The following TRAP1 variants were observed in gnomAD, a reference collection of about 807,000 sequenced individuals.
The protein encoded by TRAP1 is heat shock protein 75 kDa, mitochondrial.
In TRAP1, 102 loss-of-function variants were observed where a neutral mutation model predicts 89.1. The ratio of observed to expected loss-of-function variants is 1.15; its 90% CI spans 0.98 to 1.35. TRAP1 has a LOEUF of 1.35. Among genes scored for constraint, TRAP1 ranks in the 40% most tolerant of loss-of-function variants. TRAP1 has a pLI of 0.00. For synonymous variants in TRAP1, 508 were observed against 388.0 expected (o/e 1.31, Z -3.64); for missense variants, 1,256 against 945.3 (o/e 1.33, Z -4.31).
intron 6 of TRAP1, among the ~76,000 whole-genome samples, chr16:3,677,097 C>A (rs1399528381): frequency 6.6e-6 from 1 of 151,604 alleles, no homozygotes; most frequent in Non-Finnish European, 1.5e-5. Flanking sequence ...GGCTCCTCAC[C>A]CTATAGAGGC....
At chr16:3,662,596 C>T (rs1316237101) in intron 15 of TRAP1, 5 of 629,008 alleles carry the variant, frequency 7.9e-6, no homozygotes, top group East Asian at 3.2e-5. Flanking sequence ...TGTTTGGAAC[C>T]CCCACGTCCT....
chr16:3,662,649 T>A (rs1358717444), intron 15 of TRAP1: 1 of 680,356 alleles, frequency 1.5e-6, no homozygotes, highest in African/African-American at 1.8e-5. Context: ...TTTTCAGTTC[T>A]CAGTTCACAC....
chr16:3,662,634 C>T (rs1419576081), intron 15 of TRAP1: 1 of 670,626 alleles, frequency 1.5e-6, no homozygotes, highest in South Asian at 1.5e-5. Context: ...ACTCAGGATG[C>T]TGGTTTTTCA....
At chr16:3,677,467 A>G (rs1301539157) in intron 6 of TRAP1, 31 bp downstream of exon 6, 4 of 1,614,024 alleles carry the variant, frequency 2.5e-6, no homozygotes, top group Non-Finnish European at 3.4e-6. Context: ...CTCAGCTTTG[A>G]GCTGCCTGTC....
chr16:3,681,270 C>T (rs1345746052), intron 4 of TRAP1, among the ~76,000 whole-genome samples: 1 of 152,192 alleles, frequency 6.6e-6, no homozygotes, highest in Non-Finnish European at 1.5e-5. Context: ...TCCAGGACAG[C>T]CTGCAGGAGC....
chr16:3,659,032 A>C (rs1398451237), intron 16 of TRAP1, 167 bp from the exon 17 acceptor site: 2 of 666,212 alleles, frequency 3.0e-6, no homozygotes, highest in Non-Finnish European at 5.0e-6. Context: ...TTATATACCC[A>C]GAAAACCCAA....
chr16:3,704,058 T>C (rs887710349), intron 1 of TRAP1, among the ~76,000 whole-genome samples: 3 of 149,132 alleles, frequency 2.0e-5, no homozygotes, highest in Admixed American at 6.7e-5. Flanking sequence ...AAAAGTTACA[T>C]TACAGGCCAG....
chr16:3,699,714 C>A (rs1055384461), intron 1 of TRAP1, among the ~76,000 whole-genome samples: 1 of 151,658 alleles, frequency 6.6e-6, no homozygotes, highest in Non-Finnish European at 1.5e-5. Context: ...GTCACCCAGG[C>A]TGGAGTGCAG....
At chr16:3,711,165 C>G (rs1432433976) in intron 1 of TRAP1, among the ~76,000 whole-genome samples, 4 of 152,034 alleles carry the variant, frequency 2.6e-5, no homozygotes, top group Non-Finnish European at 5.9e-5. Flanking sequence ...CATGAGCTAC[C>G]AGGCCTGGCC....
intron 1 of TRAP1, among the ~76,000 whole-genome samples, chr16:3,698,664 T>C (rs2051323575): frequency 2.6e-5 from 4 of 151,608 alleles, no homozygotes; most frequent in Admixed American, 2.6e-4. Context: ...CCCAGCACTT[T>C]GGGAGGCCAA....
intron 17 of TRAP1, 165 bp from the exon 18 acceptor site, chr16:3,658,395 CAGGCGTGAG>C: frequency 1.6e-6 from 1 of 643,232 alleles, no homozygotes; most frequent in Non-Finnish European, 2.7e-6. Context: ...GCTGGGATTA[CAGGCGTGAG>C]CCACCACGCC....
chr16:3,663,246 A>T (rs994486746), intron 14 of TRAP1, 178 bp downstream of exon 14: 2 of 796,298 alleles, frequency 2.5e-6, no homozygotes, highest in Admixed American at 2.9e-5. Context: ...CAGACCCCTG[A>T]TATCTAAACC....
Position 3,717,474 on chromosome 16 carries a change from CCCCACAGCAGCAGCG to C in TRAP1, c.20_34del (p.Ala7_Trp11del). The C allele has an allele frequency of 1.5e-6, 2 of 1,324,114 alleles. No homozygotes were observed. The highest frequency in any genetic ancestry group is 3.2e-5 in the East Asian group (1 of 30,828). 82.0% of individuals were successfully genotyped at this position (1,324,114 alleles called of 1,614,324 possible). Reference sequence around the variant, plus strand: ...CCGCAGCAAAGGCCGCAGGCGGCGGCCCCACAGCAGCAGCGCCCGCAGCTCGCGCGCCATGTCGTA... The same window carrying C: ...CCGCAGCAAAGGCCGCAGGCGGCGGCCCCGCAGCTCGCGCGCCATGTCGTA... On this transcript the variant is annotated inframe_deletion, in exon 1 of 18. Coordinates refer to ENST00000246957, the MANE Select transcript of TRAP1 (RefSeq NM_016292.3).
intron 1 of TRAP1, among the ~76,000 whole-genome samples, chr16:3,706,486 G>T (rs370413118): frequency 5.5e-4 from 76 of 138,636 alleles, no homozygotes; most frequent in Non-Finnish European, 4.8e-4. Context: ...TTTGAGATAG[G>T]TTCTTGCTCT....
chr16:3,672,137 A>G (rs1321802586), intron 10 of TRAP1, among the ~76,000 whole-genome samples: 2 of 152,196 alleles, frequency 1.3e-5, no homozygotes, highest in African/African-American at 4.8e-5. Context: ...GGAGTTCGAG[A>G]CCAGCCCGGC....
chr16:3,691,084 G>T, intron 1 of TRAP1, 99 bp from the exon 2 acceptor site: 2 of 1,167,042 alleles, frequency 1.7e-6, no homozygotes, highest in Non-Finnish European at 2.3e-6. Flanking sequence ...AGCTAGCGTG[G>T]ACATCTCTAA....
chr16:3,710,875 A>ATTTTTTTTTTT (rs1463164560), intron 1 of TRAP1, among the ~76,000 whole-genome samples: 6 of 59,128 alleles, frequency 1.0e-4, no homozygotes, highest in African/African-American at 3.4e-4. Flanking sequence ...ATATATATAT[A>ATTTTTTTTTTT]TATATTTTTT....
intron 14 of TRAP1, chr16:3,663,219 G>A (rs1038318313): frequency 3.5e-5 from 25 of 712,362 alleles, no homozygotes; most frequent in African/African-American, 1.8e-4. Flanking sequence ...AGAAGCCACC[G>A]TGGCAGGAGC....
intron 9 of TRAP1, 38 bp downstream of exon 9, chr16:3,674,301 G>A: frequency 6.2e-7 from 1 of 1,609,084 alleles, no homozygotes. Context: ...GGACAACAGA[G>A]TCACCCTGAG....
Sources: allele counts gnomAD v4.1 joint callset (sites outside exome capture counted in the v4.1 genomes callset), GRCh38; gene constraint gnomAD v4.1.1; transcripts MANE v1.5; gene names NCBI Gene and HGNC (gene_info 2026-07-23, HGNC 2026-07-21).